The following ADGRL3 variants were observed in gnomAD, a reference collection of about 807,000 sequenced individuals.
ADGRL3 encodes the protein adhesion G protein-coupled receptor L3.
In ADGRL3, 62 loss-of-function variants were observed where a neutral mutation model predicts 153.5. That is an observed-to-expected ratio of 0.40 (90% confidence interval 0.33 to 0.50). ADGRL3 has a LOEUF of 0.50. ADGRL3 is among the 20% of genes least tolerant of loss of function. The probability of loss-of-function intolerance (pLI) is 0.47; values close to 1 mark genes in which losing one functional copy is unlikely to be tolerated. For synonymous variants in ADGRL3, 710 were observed against 672.5 expected (o/e 1.06, Z -0.86); for missense variants, 1,641 against 1,859.4 (o/e 0.88, Z 2.16).
chr4:61,564,045 C>T (rs1446662807), intron 4 of ADGRL3, among the ~76,000 whole-genome samples: 1 of 152,100 alleles, frequency 6.6e-6, no homozygotes, highest in African/African-American at 2.4e-5. Context: ...ACCTCATGAA[C>T]CAACTTCTGC....
chr4:61,447,161 G>T (rs544062828), intron 2 of ADGRL3, among the ~76,000 whole-genome samples: 1 of 152,088 alleles, frequency 6.6e-6, no homozygotes, highest in Non-Finnish European at 1.5e-5. Flanking sequence ...CAGGGGTCTT[G>T]GTTTCTTGGC....
At chr4:61,497,471 G>T in intron 3 of ADGRL3, 123 bp downstream of exon 3, 1 of 483,086 alleles carries the variant, frequency 2.1e-6, no homozygotes, top group Non-Finnish European at 3.6e-6. Flanking sequence ...GTTAGTATGA[G>T]TAAGTTAAAA....
intron 8 of ADGRL3, among the ~76,000 whole-genome samples, chr4:61,738,127 C>T (rs1008698134): frequency 6.6e-6 from 1 of 151,982 alleles, no homozygotes; most frequent in Non-Finnish European, 1.5e-5. Flanking sequence ...CATTCTTATG[C>T]CTTTTGCATC....
intron 1 of ADGRL3, among the ~76,000 whole-genome samples, chr4:61,215,386 G>A (rs552156128): frequency 2.0e-5 from 3 of 152,136 alleles, no homozygotes; most frequent in Admixed American, 1.3e-4. Flanking sequence ...AAATTGCTCT[G>A]TACATGCATG....
At chr4:61,686,827 A>G (rs958603123) in intron 6 of ADGRL3, among the ~76,000 whole-genome samples, 3 of 152,006 alleles carry the variant, frequency 2.0e-5, no homozygotes, top group African/African-American at 2.4e-5. Flanking sequence ...AGCCTCTGGT[A>G]GTCACTGTTC....
chr4:61,462,055 G>C (rs1179812616), intron 2 of ADGRL3, among the ~76,000 whole-genome samples: 1 of 152,096 alleles, frequency 6.6e-6, no homozygotes. Flanking sequence ...ATAGCATCTT[G>C]TTATAAAATT....
intron 8 of ADGRL3, among the ~76,000 whole-genome samples, chr4:61,797,967 C>A (rs2097435175): frequency 6.6e-6 from 1 of 152,088 alleles, no homozygotes; most frequent in Non-Finnish European, 1.5e-5. Context: ...TGGATCACAG[C>A]CATCTATTAA....
intron 2 of ADGRL3, among the ~76,000 whole-genome samples, chr4:61,400,463 TCC>T (rs1287115554): frequency 6.6e-6 from 1 of 151,832 alleles, no homozygotes; most frequent in African/African-American, 2.4e-5. Context: ...TAGAAATAAT[TCC>T]TCTGTTAAAC....
intron 4 of ADGRL3, among the ~76,000 whole-genome samples, chr4:61,527,741 A>G (rs145422798): frequency 1.3e-4 from 20 of 152,256 alleles, no homozygotes; most frequent in African/African-American, 4.6e-4. Context: ...TATGAAATGT[A>G]TTCACTTTTT....
chr4:61,455,963 C>T (rs906193739), intron 2 of ADGRL3, among the ~76,000 whole-genome samples: 4 of 151,848 alleles, frequency 2.6e-5, no homozygotes, highest in Non-Finnish European at 5.9e-5. Context: ...TTACAGGCAC[C>T]TGCCACTATG....
intron 21 of ADGRL3, among the ~76,000 whole-genome samples, chr4:62,005,466 C>A (rs1306827413): frequency 6.6e-6 from 1 of 152,046 alleles, no homozygotes; most frequent in African/African-American, 2.4e-5. Context: ...CACTTTTCCC[C>A]AAAATAATTA....
At chr4:62,064,156 T>G (rs1179618136) in intron 25 of ADGRL3, among the ~76,000 whole-genome samples, 3 of 152,066 alleles carry the variant, frequency 2.0e-5, no homozygotes, top group African/African-American at 7.2e-5. Context: ...ATAAAGACAG[T>G]GTACTGGGCA....
chr4:61,507,355 G>A (rs1293763461), intron 3 of ADGRL3, among the ~76,000 whole-genome samples: 3 of 152,086 alleles, frequency 2.0e-5, no homozygotes, highest in African/African-American at 7.2e-5. Context: ...TGTATTAGAG[G>A]TTACAGGCTG....
chr4:61,319,418 A>G (rs72614730), intron 1 of ADGRL3, among the ~76,000 whole-genome samples: 13,776 of 152,196 alleles, frequency 0.091, 901 homozygotes, highest in South Asian at 0.26. Flanking sequence ...GAGAACATTT[A>G]TATGTTTATA....
intron 2 of ADGRL3, among the ~76,000 whole-genome samples, chr4:61,496,011 A>G (rs2098311839): frequency 6.6e-6 from 1 of 152,212 alleles, no homozygotes; most frequent in Admixed American, 6.5e-5. Flanking sequence ...TCTGTCTTTA[A>G]TCATCGTACA....
At chr4:61,935,383 T>A (rs1304955372) in intron 14 of ADGRL3, among the ~76,000 whole-genome samples, 1 of 152,164 alleles carries the variant, frequency 6.6e-6, no homozygotes, top group Non-Finnish European at 1.5e-5. Flanking sequence ...AATGAGAGTA[T>A]CTTTGAATTC....
chr4:61,220,305 G>A (rs1378359004), intron 1 of ADGRL3, among the ~76,000 whole-genome samples: 1 of 151,962 alleles, frequency 6.6e-6, no homozygotes, highest in Non-Finnish European at 1.5e-5. Context: ...AAGGTAATAG[G>A]ACAAGCTCTA....
At chr4:61,790,017 C>T (rs2097323113) in intron 8 of ADGRL3, among the ~76,000 whole-genome samples, 1 of 152,066 alleles carries the variant, frequency 6.6e-6, no homozygotes, top group Non-Finnish European at 1.5e-5. Context: ...AGCACTAAAA[C>T]TTTTAGGATA....
At position 62,071,041 on chromosome 4, in the gene ADGRL3, C is replaced by T; in HGVS notation, c.*133C>T. ...TCCTCTAAAGACAAACACAAACTCTCAGACTTTTTTTTTTTTAATGGGATT... is the reference window on the plus strand; with the variant it reads ...TCCTCTAAAGACAAACACAAACTCTTAGACTTTTTTTTTTTTAATGGGATT... On this transcript the variant is annotated 3_prime_UTR_variant, in exon 27 of 27. Transcript: ENST00000683033. 1.2e-6 allele frequency: 1 copy of T among 808,122 alleles called. No homozygotes were observed. The allele number at this position is 808,122 out of a possible 1,614,324, so 50.1% of individuals were successfully genotyped here.
Sources: allele counts gnomAD v4.1 joint callset (sites outside exome capture counted in the v4.1 genomes callset), GRCh38; gene constraint gnomAD v4.1.1; transcripts MANE v1.5; gene names NCBI Gene and HGNC (gene_info 2026-07-23, HGNC 2026-07-21).